Variants in GSDME observed in about 807,000 individuals in gnomAD.
GSDME encodes the protein gasdermin-E.
A neutral mutation model predicts 47.5 loss-of-function variants in GSDME; 44 were observed. That is an observed-to-expected ratio of 0.93 (90% CI 0.73 to 1.19). The LOEUF (loss-of-function observed/expected upper bound fraction) is 1.19, where lower values mean the gene tolerates loss of function less well. Ranked by LOEUF, GSDME falls within the 50% of genes most tolerant of loss-of-function variation. GSDME has a pLI of 0.00. For missense variants in GSDME, 663 were observed against 604.2 expected, an observed-to-expected ratio of 1.10 and a Z score of -1.02; for synonymous variants, 258 against 252.8, an observed-to-expected ratio of 1.02 and a Z score of -0.20.
chr7:24,763,039 T>C, the GSDME span, among the ~76,000 whole-genome samples: 1 of 152,158 alleles, frequency 6.6e-6, no homozygotes, highest in East Asian at 1.9e-4. The surrounding 1 kb of genome is among the most constrained non-coding windows in gnomAD (Gnocchi z 4.3). Context: ...ATTCCAACAC[T>C]CCCAGTGGAT....
At chr7:24,731,620 G>A (rs1790148632) in intron 3 of GSDME, among the ~76,000 whole-genome samples, 1 of 152,228 alleles carries the variant, frequency 6.6e-6, no homozygotes, top group Admixed American at 6.5e-5. Flanking sequence ...TGCTAGGCAG[G>A]CTCTATACTT....
In GSDME at chr7:24,742,382, G is replaced by A. The variant is rs1044924923; in HGVS notation, c.404+2180C>T. On this transcript the variant is annotated intron_variant, in intron 3 of 9. Coordinates refer to ENST00000645220, the MANE Select transcript of GSDME (RefSeq NM_001127453.2). This position sits in a 1 kb window ranked among gnomAD's most constrained non-coding sequence, Gnocchi z 4.4. ...GCCTTGGTGCCATTAAGTGTAAAAG[G>A]AGATGGCTGTGCAGAGTTAAGGAGA... is the stretch of plus-strand genomic sequence containing the variant. Among the ~76,000 whole-genome samples, 3 of 152,140 alleles carry A rather than the reference G, an allele frequency of 2.0e-5. No individual in the cohort carries two copies. Among genetic ancestry groups the A allele is most frequent in the Non-Finnish European group, 4.4e-5 (3 of 68,036 alleles).
chr7:24,792,131 T>C, the GSDME span, among the ~76,000 whole-genome samples: 13,139 of 152,340 alleles, frequency 0.086, 779 homozygotes, highest in Non-Finnish European at 0.13. Context: ...TTGTTTAACA[T>C]GCCAACGGTA....
At position 24,728,031 on chromosome 7, in the gene GSDME, G is replaced by A. The variant is rs1392274312; in HGVS notation, c.405-8813C>T. 2.6e-5 allele frequency among the ~76,000 whole-genome samples: 4 copies of A among 152,166 alleles called. No individual in the cohort carries two copies. The highest frequency in any genetic ancestry group is 5.9e-5 in the Non-Finnish European group (4 of 68,036). Reference sequence around the variant, plus strand: ...GGAGCTAGGGGGGCTGTAACGGGAGGAAGAGACAGGGTGCACCCAGCCCTG... The same window carrying A: ...GGAGCTAGGGGGGCTGTAACGGGAGAAAGAGACAGGGTGCACCCAGCCCTG... On this transcript the variant is annotated intron_variant, in intron 3 of 9. Transcript: ENST00000645220. The surrounding 1 kb of genome is among the most constrained non-coding windows in gnomAD (Gnocchi z 7.2).
the GSDME span, among the ~76,000 whole-genome samples, chr7:24,772,625 G>A: frequency 2.6e-5 from 4 of 152,210 alleles, no homozygotes; most frequent in Non-Finnish European, 5.9e-5. The surrounding 1 kb of genome is among the most constrained non-coding windows in gnomAD (Gnocchi z 4.5). Context: ...TACCTGGCAT[G>A]CATTTGGTGC....
At chr7:24,704,966 A>G (rs1313720954) in intron 8 of GSDME, 1 of 152,372 alleles carries the variant, frequency 6.6e-6, no homozygotes, top group African/African-American at 2.4e-5. Context: ...AGGATTACAG[A>G]TGGGGGCCAC....
intron 3 of GSDME, among the ~76,000 whole-genome samples, chr7:24,727,755 GC>G (rs1790016232): frequency 6.6e-6 from 1 of 152,282 alleles, no homozygotes; most frequent in East Asian, 1.9e-4. Flanking sequence ...TTCAGTAACT[GC>G]CCCCCTAAAA....
chr7:24,720,647 G>A (rs1789742456), intron 3 of GSDME, among the ~76,000 whole-genome samples: 1 of 152,252 alleles, frequency 6.6e-6, no homozygotes, highest in Admixed American at 6.5e-5. Context: ...CGGGCACAGT[G>A]GCTTATGCCT....
At chr7:24,729,118 A>G (rs868721066) in intron 3 of GSDME, among the ~76,000 whole-genome samples, 4 of 152,234 alleles carry the variant, frequency 2.6e-5, no homozygotes, top group African/African-American at 9.6e-5. Context: ...AGCCCTTTAG[A>G]CGAGTAATTA....
the GSDME span, among the ~76,000 whole-genome samples, chr7:24,782,142 GT>G: frequency 6.6e-6 from 1 of 152,062 alleles, no homozygotes; most frequent in African/African-American, 2.4e-5. Flanking sequence ...ATGTTTACAT[GT>G]GCCATGTTGG....
At chr7:24,709,859 C>T (rs2128049653) in intron 6 of GSDME, among the ~76,000 whole-genome samples, 1 of 152,192 alleles carries the variant, frequency 6.6e-6, no homozygotes, top group African/African-American at 2.4e-5. Flanking sequence ...AAAACAGATG[C>T]AGAACGGGTT....
At chr7:24,709,870 C>A (rs1228727175) in intron 6 of GSDME, among the ~76,000 whole-genome samples, 2 of 152,172 alleles carry the variant, frequency 1.3e-5, no homozygotes, top group African/African-American at 4.8e-5. Context: ...AGAACGGGTT[C>A]TCCATCCTCG....
At chr7:24,749,845 CT>C (rs1440341787) in intron 1 of GSDME, 52 bp from the exon 2 acceptor site, 4 of 1,243,550 alleles carry the variant, frequency 3.2e-6, no homozygotes, top group South Asian at 1.2e-5. Flanking sequence ...TATTTTGTGG[CT>C]TTTTTCCCTA....
At chr7:24,765,428 G>C in the GSDME span, among the ~76,000 whole-genome samples, 1 of 152,160 alleles carries the variant, frequency 6.6e-6, no homozygotes, top group African/African-American at 2.4e-5. Context: ...TCAGCCTAAA[G>C]GTTGCTCCGG....
the GSDME span, among the ~76,000 whole-genome samples, chr7:24,768,306 G>C: frequency 6.6e-6 from 1 of 152,282 alleles, no homozygotes; most frequent in South Asian, 2.1e-4. This position sits in a 1 kb window ranked among gnomAD's most constrained non-coding sequence, Gnocchi z 5.6. Flanking sequence ...TAGAAGAATG[G>C]TAAGATTTAG....
At chr7:24,772,752 T>C in the GSDME span, among the ~76,000 whole-genome samples, 8 of 152,354 alleles carry the variant, frequency 5.3e-5, no homozygotes, top group African/African-American at 1.9e-4. The surrounding 1 kb of genome is among the most constrained non-coding windows in gnomAD (Gnocchi z 4.5). Flanking sequence ...GGGATGGATT[T>C]CCATGTAGTT....
In GSDME at chr7:24,733,785, A is replaced by G. The variant is rs1790217550; in HGVS notation, c.404+10777T>C. On this transcript the variant is annotated intron_variant, in intron 3 of 9. Coordinates refer to ENST00000645220, the MANE Select transcript of GSDME (RefSeq NM_001127453.2). The surrounding 1 kb of genome is among the most constrained non-coding windows in gnomAD (Gnocchi z 4.3). ...AGAGTAGAGCACCACATAGATTTCT[A>G]AGGTTTCCAACTCGAGGCCCTGACT... Among the ~76,000 whole-genome samples, 2 of 152,106 alleles carry G rather than the reference A, an allele frequency of 1.3e-5. No homozygotes were observed. Among genetic ancestry groups the G allele is most frequent in the Non-Finnish European group, 2.9e-5 (2 of 68,006 alleles).
At chr7:24,783,528 C>T in the GSDME span, among the ~76,000 whole-genome samples, 1 of 152,194 alleles carries the variant, frequency 6.6e-6, no homozygotes, top group East Asian at 1.9e-4. Context: ...AAAGGCCAAG[C>T]TTGTGACTGC....
At position 24,754,566 on chromosome 7, in the gene GSDME, C is replaced by A. The variant is rs1260646482; in HGVS notation, c.-20+2830G>T. On this transcript the variant is annotated intron_variant, in intron 1 of 9. Transcript: ENST00000645220. This position sits in a 1 kb window ranked among gnomAD's most constrained non-coding sequence, Gnocchi z 5.0. ...TGAAAGCAGATGAGAACTAAAAAGG[C>A]CAAAGCAAATGCAGTAAGGATATCC... Among the ~76,000 whole-genome samples the A allele has an allele frequency of 6.6e-6, 1 of 151,792 alleles. No individual in the cohort carries two copies. The highest frequency in any genetic ancestry group is 1.5e-5 in the Non-Finnish European group (1 of 68,016).
Sources: allele counts gnomAD v4.1 joint callset (sites outside exome capture counted in the v4.1 genomes callset), GRCh38; gene constraint gnomAD v4.1.1; non-coding constraint Gnocchi (gnomAD v3.1); transcripts MANE v1.5; gene names NCBI Gene and HGNC (gene_info 2026-07-23, HGNC 2026-07-21).